OSBPL1A: variants seen among roughly 807,000 people sequenced by gnomAD.
OSBPL1A encodes the protein oxysterol binding protein like 1A.
A neutral mutation model predicts 137.1 loss-of-function variants in OSBPL1A; 80 were observed. The ratio of observed to expected loss-of-function variants is 0.58; its 90% CI spans 0.49 to 0.70. OSBPL1A has a LOEUF of 0.70. Ranked by LOEUF, OSBPL1A falls within the 30% of genes least tolerant of loss-of-function variation. The probability of loss-of-function intolerance (pLI) is 0.00; values close to 1 mark genes in which losing one functional copy is unlikely to be tolerated. For missense variants in OSBPL1A, 970 were observed against 1,129.4 expected, an observed-to-expected ratio of 0.86 and a Z score of 2.02; for synonymous variants, 365 against 389.7, an observed-to-expected ratio of 0.94 and a Z score of 0.75.
At chr18:24,231,165 AG>A (rs2088265179) in intron 16 of OSBPL1A, among the ~76,000 whole-genome samples, 1 of 152,216 alleles carries the variant, frequency 6.6e-6, no homozygotes, top group African/African-American at 2.4e-5. Flanking sequence ...GAAGCATTGA[AG>A]GTGGACAGAA....
chr18:24,171,203 T>C (rs1161448649), intron 23 of OSBPL1A, among the ~76,000 whole-genome samples: 2 of 151,654 alleles, frequency 1.3e-5, no homozygotes, highest in Non-Finnish European at 2.9e-5. Context: ...CTGGCTAATT[T>C]TTTTGTATTT....
intron 1 of OSBPL1A, among the ~76,000 whole-genome samples, chr18:24,384,913 TAATCAATAACAG>T (rs1906846873): frequency 6.6e-6 from 1 of 150,520 alleles, no homozygotes. Context: ...AGAAAGTAGT[TAATCAATAACAG>T]TTTAAGTACA....
chr18:24,212,653 C>T (rs1306379277), intron 17 of OSBPL1A, among the ~76,000 whole-genome samples: 1 of 152,108 alleles, frequency 6.6e-6, no homozygotes, highest in African/African-American at 2.4e-5. Flanking sequence ...TGCCCTCAAA[C>T]AAGGGAAAAT....
chr18:24,366,936 T>C lies in OSBPL1A; in HGVS notation c.238A>G (p.Met80Val), dbSNP rs372695761. The change falls in exon 4 of 28, where the codon ATG becomes GTG. Residue 80 changes from methionine (M) to valine (V), a missense_variant. Physicochemically the swap from Met to Val is conservative, Grantham distance 21. Coordinates refer to ENST00000319481, the MANE Select transcript of OSBPL1A (RefSeq NM_080597.4). Reference sequence around the variant, plus strand: ...GCTCGATGAAGCGGCGTGTCTCCCATGTCATTCAACACATTCACTTCTGCA... The same window carrying C: ...GCTCGATGAAGCGGCGTGTCTCCCACGTCATTCAACACATTCACTTCTGCA... ...AGAEVNVLND[M>V]GDTPLHRAAF... 1 of 1,612,680 alleles carries C rather than the reference T, an allele frequency of 6.2e-7. No homozygotes were observed. The highest frequency in any genetic ancestry group is 8.5e-7 in the Non-Finnish European group (1 of 1,179,416).
chr18:24,234,806 T>C (rs1168350321), intron 16 of OSBPL1A, among the ~76,000 whole-genome samples: 1 of 152,218 alleles, frequency 6.6e-6, no homozygotes. Flanking sequence ...AAAATCTTTT[T>C]TTTTCATACC....
chr18:24,372,955 T>C (rs915799944), intron 2 of OSBPL1A, among the ~76,000 whole-genome samples: 1 of 151,996 alleles, frequency 6.6e-6, no homozygotes, highest in Non-Finnish European at 1.5e-5. Flanking sequence ...TCCCAGCTAC[T>C]TGGGAGGCTG....
At position 24,232,668 on chromosome 18, in the gene OSBPL1A, GA is replaced by G. The variant is rs2088317876; in HGVS notation, c.1444+6551del. ...TCACATTATGCATTAACTCTACAAA[GA>G]AAACAATTCTAGAACTAAAGGCCAG... On this transcript the variant is annotated intron_variant, in intron 16 of 27. Coordinates refer to ENST00000319481, the MANE Select transcript of OSBPL1A (RefSeq NM_080597.4). Among the ~76,000 whole-genome samples, 6 of 152,242 alleles carry G rather than the reference GA, an allele frequency of 3.9e-5. No individual in the cohort carries two copies. In the South Asian group the frequency reaches 1.2e-3, roughly 32 times the overall value.
rs750514231 is a variant in OSBPL1A at position 24,239,260 on chromosome 18, G to A, written c.1404C>T (p.Ala468=). The change falls in exon 16 of 28, where the codon GCC becomes GCT. Residue 468 remains alanine (A), a synonymous_variant. Transcript: ENST00000319481. ...EQSLVKGSPP[A]SILSEDEFYD... ...AGAACTCGTCCTCGCTAAGGATGCT[G>A]GCGGGTGGAGAGCCTTTCACCAGAG... The A allele has an allele frequency of 6.2e-6, 10 of 1,613,968 alleles. No individual in the cohort carries two copies. The East Asian group carries it at 2.2e-4, about 36-fold the overall frequency.
At chr18:24,375,550 T>C (rs1906043832) in intron 2 of OSBPL1A, among the ~76,000 whole-genome samples, 1 of 152,164 alleles carries the variant, frequency 6.6e-6, no homozygotes, top group Admixed American at 6.5e-5. Context: ...CATTTTTTCT[T>C]CTCTATCGTC....
chr18:24,194,418 A>G (rs533810207), intron 18 of OSBPL1A, among the ~76,000 whole-genome samples: 15 of 152,346 alleles, frequency 9.8e-5, no homozygotes, highest in African/African-American at 3.4e-4. Context: ...GCATATATAC[A>G]TATTTGCATA....
chr18:24,378,262 G>C (rs1221423322), intron 1 of OSBPL1A, among the ~76,000 whole-genome samples: 4 of 152,038 alleles, frequency 2.6e-5, no homozygotes, highest in African/African-American at 9.7e-5. Context: ...CATGCCCATT[G>C]AATTAGCAAA....
chr18:24,382,801 A>ACCTG, intron 1 of OSBPL1A, among the ~76,000 whole-genome samples: 1 of 152,104 alleles, frequency 6.6e-6, no homozygotes, highest in Non-Finnish European at 1.5e-5. Context: ...ACCTGAGCTC[A>ACCTG]GGAAGTTGAG....
chr18:24,246,035 C>T (rs2088871053), intron 15 of OSBPL1A, among the ~76,000 whole-genome samples: 1 of 151,920 alleles, frequency 6.6e-6, no homozygotes, highest in Non-Finnish European at 1.5e-5. Flanking sequence ...CATGGCAAAA[C>T]CCCATCTCTA....
chr18:24,238,991 T>C (rs941587071), intron 16 of OSBPL1A, among the ~76,000 whole-genome samples: 4 of 152,208 alleles, frequency 2.6e-5, no homozygotes, highest in African/African-American at 7.2e-5. Context: ...GAATACATCT[T>C]CAGTATAGGC....
chr18:24,190,346 GAAAAAAAAAAAAAAA>G (rs140195338), intron 18 of OSBPL1A, among the ~76,000 whole-genome samples: 3 of 49,174 alleles, frequency 6.1e-5, no homozygotes, highest in Non-Finnish European at 7.5e-5. Context: ...CTCTGCTACT[GAAAAAAAAAAAAAAA>G]AAAAAAAAAA....
intron 26 of OSBPL1A, among the ~76,000 whole-genome samples, chr18:24,165,959 T>A (rs1218721900): frequency 6.6e-6 from 1 of 152,048 alleles, no homozygotes. Flanking sequence ...TAGCCGGGTG[T>A]GGTGGCACGT....
intron 7 of OSBPL1A, among the ~76,000 whole-genome samples, chr18:24,322,892 C>CT (rs1478114732): frequency 6.6e-6 from 1 of 152,134 alleles, no homozygotes; most frequent in Non-Finnish European, 1.5e-5. Context: ...AAAAAATACA[C>CT]TATCTCTCTT....
At chr18:24,285,054 T>A (rs2090042016) in intron 14 of OSBPL1A, among the ~76,000 whole-genome samples, 1 of 152,134 alleles carries the variant, frequency 6.6e-6, no homozygotes, top group Admixed American at 6.6e-5. Context: ...AGAAAGACCC[T>A]GTCTCTAAAA....
intron 15 of OSBPL1A, among the ~76,000 whole-genome samples, chr18:24,260,837 CAAAAA>C (rs71373370): frequency 8.3e-6 from 1 of 120,458 alleles, no homozygotes; most frequent in Non-Finnish European, 1.7e-5. Context: ...TAAAAGAACT[CAAAAA>C]AAAAAAAAAA....
Sources: allele counts gnomAD v4.1 joint callset (sites outside exome capture counted in the v4.1 genomes callset), GRCh38; gene constraint gnomAD v4.1.1; transcripts MANE v1.5; gene names NCBI Gene and HGNC (gene_info 2026-07-23, HGNC 2026-07-21).